Variants in TENM1 observed in about 807,000 individuals in gnomAD.
TENM1 encodes teneurin-1.
Under a neutral mutation model 174.8 loss-of-function variants are expected in TENM1, and 35 were observed. The observed-to-expected ratio is 0.20, with a 90% CI of 0.15 to 0.27. The LOEUF is 0.27. Ranked by LOEUF, TENM1 falls within the 10% of genes least tolerant of loss-of-function variation. TENM1 has a pLI of 1.00. For synonymous variants in TENM1, 781 were observed against 798.7 expected (o/e 0.98, Z 0.37); for missense variants, 1,633 against 2,130.1 (o/e 0.77, Z 4.59).
the TENM1 span, among the ~76,000 whole-genome samples, chrX:125,080,020 A>C: frequency 9.1e-6 from 1 of 110,243 alleles, no homozygotes; most frequent in African/African-American, 3.3e-5. Context: ...TGATTGCCGC[A>C]GCTCTGATAT....
chrX:124,625,132 G>A (rs1424559803), intron 11 of TENM1, among the ~76,000 whole-genome samples: 1 of 111,408 alleles, frequency 9.0e-6, no homozygotes, highest in Non-Finnish European at 1.9e-5. Flanking sequence ...ACGGGAATGT[G>A]CTTTGTGAAT....
chrX:124,942,296 C>G (rs919241378), intron 1 of TENM1, among the ~76,000 whole-genome samples: 33 of 111,364 alleles, frequency 3.0e-4, no homozygotes, highest in African/African-American at 1.0e-3. Context: ...CAACATTTTC[C>G]TAACTGATCA....
chrX:125,100,875 T>C, the TENM1 span, among the ~76,000 whole-genome samples: 2 of 111,579 alleles, frequency 1.8e-5, no homozygotes, highest in East Asian at 2.8e-4. Flanking sequence ...AGCAACCTTA[T>C]TGTTTAACTG....
Position 124,525,892 on chromosome X carries a change from A to G in TENM1, c.2772-2267T>C, listed in dbSNP as rs761925239. On this transcript the variant is annotated intron_variant, in intron 16 of 31. Transcript: ENST00000422452. ...ATATAGTAGGAACTCAACAACTGTT[A>G]CATTTCTTCTCAAATCAGATTCATT... Among the ~76,000 whole-genome samples, 6 of 112,433 alleles carry G rather than the reference A, an allele frequency of 5.3e-5. No individual in the cohort carries two copies. The South Asian group carries it at 2.2e-3, about 41-fold the overall frequency.
At chrX:124,407,803 A>G (rs749897487) in intron 25 of TENM1, among the ~76,000 whole-genome samples, 2 of 113,201 alleles carry the variant, frequency 1.8e-5, no homozygotes, top group Non-Finnish European at 3.7e-5. Context: ...AATGAATCAA[A>G]TAGGTTATTG....
intron 5 of TENM1, among the ~76,000 whole-genome samples, chrX:124,683,562 C>T (rs1019897905): frequency 2.7e-5 from 3 of 111,853 alleles, no homozygotes; most frequent in African/African-American, 9.8e-5. Context: ...TAAAAACCCT[C>T]CAATTCAAAA....
chrX:124,753,685 A>G (rs765017645), intron 3 of TENM1, among the ~76,000 whole-genome samples: 15 of 111,223 alleles, frequency 1.3e-4, no homozygotes, highest in Admixed American at 8.6e-4. Context: ...TTTATTGAGA[A>G]TTTTTAGCAT....
chrX:124,380,814 G>A (rs759798031), exon 32 of TENM1: 6 of 1,211,389 alleles, frequency 5.0e-6, no homozygotes, highest in South Asian at 3.5e-5. Flanking sequence ...GTCCCATACC[G>A]GATGTTGAAG....
chrX:125,173,938 GCAGTGGTA>G, the TENM1 span, among the ~76,000 whole-genome samples: 1 of 111,844 alleles, frequency 8.9e-6, no homozygotes, highest in Non-Finnish European at 1.9e-5. Flanking sequence ...TAAGCTCATG[GCAGTGGTA>G]CAGAAAATAA....
intron 21 of TENM1, among the ~76,000 whole-genome samples, chrX:124,483,143 A>G (rs1407375352): frequency 9.0e-6 from 1 of 111,286 alleles, no homozygotes; most frequent in East Asian, 2.8e-4. Context: ...AAACTTTTTA[A>G]TGTTTCTTGG....
At chrX:125,114,792 G>A in the TENM1 span, among the ~76,000 whole-genome samples, 7 of 111,410 alleles carry the variant, frequency 6.3e-5, no homozygotes, top group African/African-American at 2.3e-4. Context: ...CGGATTCACA[G>A]CCGAATTCTA....
At chrX:124,527,659 T>C (rs767431753) in intron 16 of TENM1, among the ~76,000 whole-genome samples, 80 of 104,771 alleles carry the variant, frequency 7.6e-4, no homozygotes, top group African/African-American at 2.7e-3. Flanking sequence ...TCTTTTTTTT[T>C]TTTTTTTGAG....
At chrX:124,511,225 C>T (rs2047576517) in intron 18 of TENM1, among the ~76,000 whole-genome samples, 1 of 112,055 alleles carries the variant, frequency 8.9e-6, no homozygotes, top group East Asian at 2.8e-4. Flanking sequence ...ATTTCCTTTT[C>T]ATCTTCTGGT....
the TENM1 span, among the ~76,000 whole-genome samples, chrX:124,990,205 A>G: frequency 2.7e-5 from 3 of 111,271 alleles, no homozygotes; most frequent in African/African-American, 9.8e-5. Flanking sequence ...CTGAGATATC[A>G]TATTATTTGC....
intron 3 of TENM1, among the ~76,000 whole-genome samples, chrX:124,770,797 C>T (rs1167544744): frequency 9.0e-6 from 1 of 110,689 alleles, no homozygotes; most frequent in Non-Finnish European, 1.9e-5. Flanking sequence ...TTTCTTTAAG[C>T]CTGCATAGTA....
chrX:125,150,568 G>C, the TENM1 span, among the ~76,000 whole-genome samples: 1 of 111,652 alleles, frequency 9.0e-6, no homozygotes, highest in Admixed American at 9.6e-5. Context: ...CATACATGTG[G>C]CCATTAACCA....
At chrX:124,436,241 A>G (rs541202036) in intron 23 of TENM1, among the ~76,000 whole-genome samples, 2 of 111,359 alleles carry the variant, frequency 1.8e-5, no homozygotes, top group African/African-American at 6.5e-5. Flanking sequence ...GGACTCGGCA[A>G]TCTACATTTT....
At chrX:124,695,521 C>T (rs1252836036) in intron 5 of TENM1, among the ~76,000 whole-genome samples, 1 of 110,814 alleles carries the variant, frequency 9.0e-6, no homozygotes, top group East Asian at 2.8e-4. Context: ...AGTAACTGAG[C>T]CCATGACCTC....
intron 11 of TENM1, among the ~76,000 whole-genome samples, chrX:124,612,674 C>T (rs908283620): frequency 9.0e-6 from 1 of 111,207 alleles, no homozygotes; most frequent in African/African-American, 3.3e-5. Context: ...TTGTTCCAGG[C>T]CTCCACATTG....
Sources: gnomAD v4.1 joint callset for allele counts (sites outside exome capture counted in the v4.1 genomes callset) on GRCh38, gnomAD v4.1.1 for gene constraint, MANE v1.5 for transcripts, NCBI Gene and HGNC (gene_info 2026-07-23, HGNC 2026-07-21) for gene names.